DENND5B: variants seen among roughly 807,000 people sequenced by gnomAD.
The protein encoded by DENND5B is DENN domain containing 5B.
In DENND5B, 34 loss-of-function variants were observed where a neutral mutation model predicts 140.6. That is an observed-to-expected ratio of 0.24 (90% CI 0.18 to 0.32). The LOEUF is 0.32. Ranked by LOEUF, DENND5B falls within the 10% of genes least tolerant of loss-of-function variation. The probability of loss-of-function intolerance (pLI) is 1.00; values close to 1 mark genes in which losing one functional copy is unlikely to be tolerated. For synonymous variants in DENND5B, 551 were observed against 562.1 expected (o/e 0.98, Z 0.28); for missense variants, 1,142 against 1,560.2 (o/e 0.73, Z 4.52).
chr12:31,439,884 C>G (rs112403722), intron 7 of DENND5B, among the ~76,000 whole-genome samples: 1 of 126,202 alleles, frequency 7.9e-6, no homozygotes, highest in African/African-American at 3.0e-5. Flanking sequence ...GAGCTGAGAT[C>G]GTACCATTGC....
At chr12:31,527,371 G>C (rs115411324) in intron 1 of DENND5B, among the ~76,000 whole-genome samples, 1 of 152,056 alleles carries the variant, frequency 6.6e-6, no homozygotes, top group Non-Finnish European at 1.5e-5. Context: ...TGAGTGAAGA[G>C]GAGAGAAAGC....
intron 1 of DENND5B, among the ~76,000 whole-genome samples, chr12:31,511,524 G>A (rs889547501): frequency 3.6e-5 from 5 of 138,230 alleles, no homozygotes; most frequent in East Asian, 2.1e-4. Context: ...TTAATAATAC[G>A]TGAATATGAT....
At chr12:31,389,539 C>T in intron 19 of DENND5B, 41 bp from the exon 20 acceptor site, 3 of 1,521,060 alleles carry the variant, frequency 2.0e-6, no homozygotes, top group Non-Finnish European at 2.7e-6. Context: ...TATGTGTCAA[C>T]ACTTCATATA....
chr12:31,549,368 A>G (rs900242700), intron 1 of DENND5B, among the ~76,000 whole-genome samples: 5 of 152,194 alleles, frequency 3.3e-5, no homozygotes, highest in Non-Finnish European at 5.9e-5. Context: ...AAAAATGTGC[A>G]TAAAACTTAA....
chr12:31,394,419 G>T (rs572372795), intron 17 of DENND5B, among the ~76,000 whole-genome samples: 1 of 152,042 alleles, frequency 6.6e-6, no homozygotes, highest in South Asian at 2.1e-4. Context: ...CATGAAATTG[G>T]ACTGACTCAG....
At chr12:31,437,242 A>G (rs911850252) in intron 7 of DENND5B, among the ~76,000 whole-genome samples, 9 of 151,248 alleles carry the variant, frequency 6.0e-5, no homozygotes, top group African/African-American at 2.2e-4. Flanking sequence ...TCCCGGGTTC[A>G]TGCCATTCTC....
At chr12:31,399,124 G>GA (rs1253183034) in intron 16 of DENND5B, among the ~76,000 whole-genome samples, 316 of 22,684 alleles carry the variant, frequency 0.014, 75 homozygotes, top group East Asian at 0.021. Context: ...CTCTGTCTCA[G>GA]CCCAAAAAAA....
chr12:31,586,961 G>A (rs1150959), intron 1 of DENND5B, among the ~76,000 whole-genome samples: 11,868 of 152,102 alleles, frequency 0.078, 1,060 homozygotes, highest in African/African-American at 0.22. Context: ...GTTGCTCTAC[G>A]GAAATAGTCA....
chr12:31,424,386 T>G, intron 10 of DENND5B, 149 bp downstream of exon 10: 1 of 1,081,508 alleles, frequency 9.2e-7, no homozygotes, highest in Non-Finnish European at 1.3e-6. Context: ...TATATTTTCT[T>G]TTTCTGAAAT....
chr12:31,391,029 A>AACAC (rs1328284539), intron 19 of DENND5B, among the ~76,000 whole-genome samples: 1 of 152,178 alleles, frequency 6.6e-6, no homozygotes, highest in Non-Finnish European at 1.5e-5. Context: ...CAAACAAACA[A>AACAC]AAACGTTCTA....
intron 1 of DENND5B, among the ~76,000 whole-genome samples, chr12:31,530,680 G>C (rs1948250409): frequency 6.6e-6 from 1 of 152,132 alleles, no homozygotes; most frequent in Non-Finnish European, 1.5e-5. Flanking sequence ...ACTAAACAAA[G>C]AAGGGAAATT....
intron 14 of DENND5B, among the ~76,000 whole-genome samples, chr12:31,403,290 C>T (rs1168575543): frequency 6.6e-6 from 1 of 152,194 alleles, no homozygotes; most frequent in African/African-American, 2.4e-5. Flanking sequence ...GGCTCTTCCA[C>T]AGACAGACCA....
At chr12:31,524,314 A>G (rs778569232) in intron 1 of DENND5B, among the ~76,000 whole-genome samples, 13 of 152,162 alleles carry the variant, frequency 8.5e-5, no homozygotes, top group Admixed American at 1.3e-4. Context: ...AGCCCTTAAG[A>G]GAGTCCTGGA....
At chr12:31,409,904 G>T (rs1036603586) in intron 13 of DENND5B, among the ~76,000 whole-genome samples, 11 of 152,072 alleles carry the variant, frequency 7.2e-5, no homozygotes, top group Non-Finnish European at 1.3e-4. Flanking sequence ...CCAAAATGTT[G>T]GGATTATAGG....
At chr12:31,547,712 T>C (rs554408985) in intron 1 of DENND5B, among the ~76,000 whole-genome samples, 15 of 151,760 alleles carry the variant, frequency 9.9e-5, no homozygotes, top group Middle Eastern at 6.8e-3. Context: ...AAAAAGTTTG[T>C]TTTGTTTTTT....
At chr12:31,559,138 T>G (rs1056420319) in intron 1 of DENND5B, among the ~76,000 whole-genome samples, 1 of 152,134 alleles carries the variant, frequency 6.6e-6, no homozygotes, top group Admixed American at 6.5e-5. Flanking sequence ...AAAATTCTCA[T>G]GGGAGAGTAG....
At chr12:31,476,483 G>GAAA (rs35480701) in intron 3 of DENND5B, among the ~76,000 whole-genome samples, 2 of 141,626 alleles carry the variant, frequency 1.4e-5, no homozygotes, top group African/African-American at 5.1e-5. Flanking sequence ...TGAGAAAGGA[G>GAAA]AAAAAAAAAA....
chr12:31,401,986 G>A (rs577428656), intron 15 of DENND5B, among the ~76,000 whole-genome samples: 1 of 149,750 alleles, frequency 6.7e-6, no homozygotes, highest in Non-Finnish European at 1.5e-5. Flanking sequence ...CCAGTAAGCA[G>A]ATGCTTGAAC....
At chr12:31,471,203 A>G (rs545427314) in intron 3 of DENND5B, among the ~76,000 whole-genome samples, 5 of 152,318 alleles carry the variant, frequency 3.3e-5, no homozygotes, top group African/African-American at 1.2e-4. Flanking sequence ...CCGCCTGGGC[A>G]TTTCCTCACC....
Sources: allele counts gnomAD v4.1 joint callset (sites outside exome capture counted in the v4.1 genomes callset), GRCh38; gene constraint gnomAD v4.1.1; transcripts MANE v1.5; gene names NCBI Gene and HGNC (gene_info 2026-07-23, HGNC 2026-07-21).